The following TTN variants were observed in gnomAD, a reference collection of about 807,000 sequenced individuals.
TTN encodes the protein connectin.
A neutral mutation model predicts 3,223.0 loss-of-function variants in TTN; 1,525 were observed. The ratio of observed to expected loss-of-function variants is 0.47; its 90% CI spans 0.45 to 0.49. The LOEUF (loss-of-function observed/expected upper bound fraction) is 0.49. TTN is among the 20% of genes least tolerant of loss of function. The pLI, the probability that TTN is intolerant of heterozygous loss-of-function variation, is 0.00. For missense variants in TTN, 40,786 were observed against 43,424.0 expected, an observed-to-expected ratio of 0.94 and a Z score of 5.40; for synonymous variants, 14,094 against 15,161.0, an observed-to-expected ratio of 0.93 and a Z score of 5.17.
chr2:178,576,388 A>T lies in TTN; in HGVS notation c.69744T>A (p.His23248Gln), dbSNP rs774642251. The T allele has an allele frequency of 1.9e-6, 3 of 1,565,042 alleles. No individual in the cohort carries two copies. Among genetic ancestry groups the T allele is most frequent in the Non-Finnish European group, 2.6e-6 (3 of 1,162,942 alleles). The stretch of plus-strand genomic sequence containing the variant: ...CAGATTTCTTGGTAGTATCAGTGAC[A>T]TGCGGATTTGAAGGTGGTCCTGGAG... ...AYPPGPPSNP[H>Q]VTDTTKKSAS... The change falls in exon 326 of 363, where the codon CAT (histidine) becomes CAA (glutamine). Residue 23248 changes from histidine to glutamine, a missense_variant. Physicochemically the swap from His to Gln is conservative, Grantham distance 24 (BLOSUM62 0). Transcript: ENST00000589042. The surrounding 1 kb of genome is among the most constrained non-coding windows in gnomAD (Gnocchi z 4.3).
In TTN at chr2:178,565,941, C is replaced by T; in HGVS notation, c.80191G>A (p.Ala26731Thr). Residue 26731 changes from alanine to threonine, a missense_variant, in exon 326 of 363, where the codon GCT becomes ACT. By Grantham distance (58) the Ala-to-Thr change is moderately conservative (BLOSUM62 0). Coordinates refer to ENST00000589042, the MANE Select transcript of TTN (RefSeq NM_001267550.2). The part of the protein sequence containing the change: ...DKRESTRKAY[A>T]NVSSKCSKTS... ...TTGCTGCATTTACTACTCACATTAG[C>T]ATACGCTTTTCTGGTTGACTCACGT... 6.2e-7 allele frequency: 1 copy of T among 1,613,614 alleles called. No individual in the cohort carries two copies. Among genetic ancestry groups the T allele is most frequent in the Non-Finnish European group, 8.5e-7 (1 of 1,179,668 alleles).
rs1369317965 is a variant in TTN at position 178,533,113 on chromosome 2, T to G, written c.103502A>C (p.Glu34501Ala). 3 of 1,613,870 alleles carry G rather than the reference T, an allele frequency of 1.9e-6. No individual in the cohort carries two copies. Among genetic ancestry groups the G allele is most frequent in the African/African-American group, 1.3e-5 (1 of 74,928 alleles). The change falls in exon 358 of 363, where the codon GAG becomes GCG. Residue 34501 changes from glutamate to alanine, a missense_variant. Transcript: ENST00000589042. ...ESVPLTQVAK[E>A]ALREAAVLYK... Reference sequence around the variant, plus strand: ...AAGGACAGCAGCTTCTCTCAGAGCCTCTTTAGCTACCTGTGTCAGTGGTAC... The same window carrying G: ...AAGGACAGCAGCTTCTCTCAGAGCCGCTTTAGCTACCTGTGTCAGTGGTAC...
At position 178,715,006 on chromosome 2, in the gene TTN, A is replaced by C; in HGVS notation, c.26180T>G (p.Val8727Gly). The change falls in exon 90 of 363, where the codon GTT becomes GGT. Residue 8727 changes from valine (V) to glycine (G), a missense_variant. Coordinates refer to ENST00000589042, the MANE Select transcript of TTN (RefSeq NM_001267550.2). Reference sequence around the variant, plus strand: ...CTAACCTTTGAGAGCGATGGAACCAACGCAAGTGTCGCTTCCCACATCATT... The same window carrying C: ...CTAACCTTTGAGAGCGATGGAACCACCGCAAGTGTCGCTTCCCACATCATT... ...ATNDVGSDTC[V>G]GSIALKAPPR... is the part of the protein sequence containing the mutation. 1 of 1,611,572 alleles carries C rather than the reference A, an allele frequency of 6.2e-7. No individual in the cohort carries two copies. The highest frequency in any genetic ancestry group is 1.1e-5 in the South Asian group (1 of 90,604).
intron 217 of TTN, 27 bp from the exon 218 acceptor site, chr2:178,644,643 T>A (rs2061653480): frequency 2.0e-6 from 3 of 1,491,768 alleles, no homozygotes; most frequent in Non-Finnish European, 2.7e-6. Flanking sequence ...TTTACTTTTG[T>A]TATTTGTATA....
At chr2:178,669,992 T>C (rs2066689130) in intron 157 of TTN, among the ~76,000 whole-genome samples, 1 of 152,020 alleles carries the variant, frequency 6.6e-6, no homozygotes, top group South Asian at 2.1e-4. Context: ...GAGGGATCAA[T>C]ATTATTTAGT....
At chr2:178,729,218 TA>T (rs1464025142) in intron 64 of TTN, 49 bp from the exon 65 acceptor site, 1 of 1,549,902 alleles carries the variant, frequency 6.5e-7, no homozygotes, top group Non-Finnish European at 8.7e-7. Flanking sequence ...TTGTAACTCC[TA>T]CCCATAATGA....
Position 178,546,691 on chromosome 2 carries a change from A to C in TTN, c.94737T>G (p.Thr31579=). The C allele has an allele frequency of 6.2e-7, 1 of 1,613,782 alleles. No individual in the cohort carries two copies. Among genetic ancestry groups the C allele is most frequent in the Non-Finnish European group, 8.5e-7 (1 of 1,179,746 alleles). ...FTVTALSEGD[T]YEFRVLAKNA... Reference sequence around the variant, plus strand: ...TCTTGGCTAACACACGGAACTCATAAGTGTCTCCTTCACTGAGAGCAGTCA... The same window carrying C: ...TCTTGGCTAACACACGGAACTCATACGTGTCTCCTTCACTGAGAGCAGTCA... The change falls in exon 341 of 363, where the codon ACT becomes ACG. Residue 31579 remains threonine, a synonymous_variant. Coordinates refer to ENST00000589042, the MANE Select transcript of TTN (RefSeq NM_001267550.2).
At chr2:178,710,570 A>G (rs72648999) in intron 98 of TTN, 65 bp downstream of exon 98, 554 of 1,499,458 alleles carry the variant, frequency 3.7e-4, no homozygotes, top group Non-Finnish European at 4.6e-4. Context: ...CATAAAAACG[A>G]CACCTTCAGG....
chr2:178,748,497 G>A, intron 47 of TTN: 1 of 1,612,894 alleles, frequency 6.2e-7, no homozygotes, highest in East Asian at 2.2e-5. Flanking sequence ...CTAGTTTCTT[G>A]CCCTTGGAAC....
In TTN at chr2:178,530,905, G is replaced by C; in HGVS notation, c.105710C>G (p.Pro35237Arg). Reference protein sequence around the residue: ...AVTSPPRVKSPEPRVKSPEAV... With the variant: ...AVTSPPRVKSREPRVKSPEAV... ...TTCTGGGGATTTCACCCGAGGCTCT[G>C]GGGATTTGACTCTTGGTGGTGATGT... Residue 35237 changes from proline to arginine, a missense_variant, in exon 358 of 363, where the codon CCA becomes CGA. Coordinates refer to ENST00000589042, the MANE Select transcript of TTN (RefSeq NM_001267550.2). 1 of 1,613,926 alleles carries C rather than the reference G, an allele frequency of 6.2e-7. No individual in the cohort carries two copies. The highest frequency in any genetic ancestry group is 2.2e-5 in the East Asian group (1 of 44,884).
rs1259261919 is a variant in TTN, at chr2:178,709,624, T to G, written c.28695A>C (p.Thr9565=). The change falls in exon 99 of 363, where the codon ACA becomes ACC. Residue 9565 remains threonine (T), a synonymous_variant. Transcript: ENST00000589042. ...AGCCTGCATCATTGGACACTTTGCATGTGTACAAACCAGCGTCGTTCATGC... is the reference window on the plus strand; with the variant it reads ...AGCCTGCATCATTGGACACTTTGCAGGTGTACAAACCAGCGTCGTTCATGC... ...KAGMNDAGLY[T]CKVSNDAGSA... 1.2e-6 allele frequency: 2 copies of G among 1,613,940 alleles called. No individual in the cohort carries two copies. The highest frequency in any genetic ancestry group is 1.7e-6 in the Non-Finnish European group (2 of 1,179,826).
Position 178,601,865 on chromosome 2 carries a change from A to G in TTN, c.55302+17T>C. On this transcript the variant is annotated intron_variant, in intron 285 of 362. Coordinates refer to ENST00000589042, the MANE Select transcript of TTN (RefSeq NM_001267550.2). Reference sequence around the variant, plus strand: ...AGTCAACCATATTCTGAATTATTTTAATTATTATTTTTTTACCTGTGCATC... The same window carrying G: ...AGTCAACCATATTCTGAATTATTTTGATTATTATTTTTTTACCTGTGCATC... 2 of 1,608,260 alleles carry G rather than the reference A, an allele frequency of 1.2e-6. No homozygotes were observed. The highest frequency in any genetic ancestry group is 1.7e-6 in the Non-Finnish European group (2 of 1,178,054).
chr2:178,729,304 A>G lies in TTN; in HGVS notation c.18852T>C (p.Thr6284=). 6.2e-7 allele frequency: 1 copy of G among 1,610,732 alleles called. No homozygotes were observed. Among genetic ancestry groups the G allele is most frequent in the Non-Finnish European group, 8.5e-7 (1 of 1,177,816 alleles). The stretch of plus-strand genomic sequence containing the variant: ...ATAACTGACCTTTCAGGGCAACTCT[A>G]GTACTGCATGAGCAGCTGCCGCCTT... The part of the protein sequence containing the change: ...SNEGGSCSCS[T]RVALKEPPSF... Residue 6284 remains threonine (T), a synonymous_variant, in exon 64 of 363, where the codon ACT becomes ACC. Transcript: ENST00000589042.
chr2:178,612,377 A>G lies in TTN; in HGVS notation c.50148T>C (p.Thr16716=), dbSNP rs374138859. ...KDTKCTVTPL[T]EGSLYVFRVA... is the part of the protein sequence containing the mutation. Reference sequence around the variant, plus strand: ...CTCGGAACACATATAAAGAGCCCTCAGTCAGTGGGGTGACTGTGCACTTGG... The same window carrying G: ...CTCGGAACACATATAAAGAGCCCTCGGTCAGTGGGGTGACTGTGCACTTGG... The change falls in exon 266 of 363, where the codon ACT becomes ACC. Residue 16716 remains threonine, a synonymous_variant. Coordinates refer to ENST00000589042, the MANE Select transcript of TTN (RefSeq NM_001267550.2). 4 of 1,612,582 alleles carry G rather than the reference A, an allele frequency of 2.5e-6. No homozygotes were observed. The East Asian group carries it at 9.0e-5, about 36-fold the overall frequency.
Position 178,538,428 on chromosome 2 carries a change from T to C in TTN, c.99289+112A>G. 3.7e-6 allele frequency: 4 copies of C among 1,077,996 alleles called. No homozygotes were observed. In the South Asian group the frequency reaches 7.3e-5, roughly 20 times the overall value. 66.8% of individuals were successfully genotyped at this position (1,077,996 alleles called of 1,614,324 possible). A position where few individuals can be genotyped will look rare whatever the true frequency, so the allele number is the denominator to read the frequency against. ...CTGTGTGTGTACTTGCTTTTCTTTC[T>C]TAACACTTGCTCTCCAATAAAGCTT... On this transcript the variant is annotated intron_variant, in intron 354 of 362. Coordinates refer to ENST00000589042, the MANE Select transcript of TTN (RefSeq NM_001267550.2).
Position 178,720,030 on chromosome 2 carries a change from T to A in TTN, c.23612A>T (p.Lys7871Ile). The change falls in exon 81 of 363, where the codon AAA (lysine) becomes ATA (isoleucine). Residue 7871 changes from lysine (K) to isoleucine (I), a missense_variant. Coordinates refer to ENST00000589042, the MANE Select transcript of TTN (RefSeq NM_001267550.2). ...SNSGKYICQI[K>I]NDAGMRECSA... ...GCATTCTCTCATTCCAGCATCGTTT[T>A]TGATTTGGCATATATATTTTCCAGA... 2 of 1,613,264 alleles carry A rather than the reference T, an allele frequency of 1.2e-6. No individual in the cohort carries two copies. The highest frequency in any genetic ancestry group is 1.1e-5 in the South Asian group (1 of 91,048).
chr2:178,557,521 A>G lies in TTN; in HGVS notation c.87741T>C (p.Thr29247=). ...TPGPPSTPWV[T]NVTRESITVG... ...CAGTGATGCTTTCTCGAGTAACATT[A>G]GTGACCCATGGTGTAGATGGTGGTC... Residue 29247 remains threonine (T), a synonymous_variant, in exon 329 of 363, where the codon ACT becomes ACC. Transcript: ENST00000589042. The G allele has an allele frequency of 6.2e-7, 1 of 1,613,952 alleles. No homozygotes were observed. Among genetic ancestry groups the G allele is most frequent in the Non-Finnish European group, 8.5e-7 (1 of 1,179,854 alleles).
Position 178,614,982 on chromosome 2 carries a change from G to A in TTN, c.48639-14C>T, listed in dbSNP as rs1480107748. The A allele has an allele frequency of 6.3e-7, 1 of 1,584,144 alleles. No homozygotes were observed. Among genetic ancestry groups the A allele is most frequent in the South Asian group, 1.1e-5 (1 of 87,438 alleles). On this transcript the variant is annotated splice_polypyrimidine_tract_variant and intron_variant, in intron 259 of 362. Coordinates refer to ENST00000589042, the MANE Select transcript of TTN (RefSeq NM_001267550.2). ...GTCACTTCCATTCTGTCAGAAAACA[G>A]AATAGGATGTTTTACTGTGATGTCG...
At position 178,571,141 on chromosome 2, in the gene TTN, T is replaced by C; in HGVS notation, c.74991A>G (p.Val24997=). ...GGTCACGAGCCACATAACATTCTGA[T>C]ACTTTACTCGGCTTGCCAATGCCCA... ...NIVGIGKPSK[V]SECYVARDPC... is the part of the protein sequence containing the mutation. The change falls in exon 326 of 363, where the codon GTA becomes GTG. Residue 24997 remains valine (V), a synonymous_variant. Transcript: ENST00000589042. 6.2e-7 allele frequency: 1 copy of C among 1,613,510 alleles called. No homozygotes were observed. The highest frequency in any genetic ancestry group is 8.5e-7 in the Non-Finnish European group (1 of 1,179,596).
Sources: gnomAD v4.1 joint callset for allele counts (sites outside exome capture counted in the v4.1 genomes callset) on GRCh38, gnomAD v4.1.1 for gene constraint, Gnocchi (gnomAD v3.1) non-coding constraint, MANE v1.5 for transcripts, NCBI Gene and HGNC (gene_info 2026-07-23, HGNC 2026-07-21) for gene names.